Variants in SPON1 observed in about 807,000 individuals in gnomAD.
SPON1 encodes the protein spondin-1.
A neutral mutation model predicts 111.7 loss-of-function variants in SPON1; 52 were observed. The observed-to-expected ratio is 0.47, with a 90% CI of 0.37 to 0.59. The LOEUF is 0.59. Among genes scored for constraint, SPON1 ranks in the 20% least tolerant of loss-of-function variants. The pLI is 0.00. For missense variants in SPON1, 957 were observed against 1,068.5 expected (o/e 0.90, Z 1.46); for synonymous variants, 410 against 395.8 (o/e 1.04, Z -0.43).
intron 2 of SPON1, among the ~76,000 whole-genome samples, chr11:13,995,830 A>G (rs1000288546): frequency 5.3e-5 from 8 of 152,178 alleles, no homozygotes; most frequent in Non-Finnish European, 1.2e-4. Flanking sequence ...ACCATTTTCT[A>G]TATGTGACAT....
chr11:14,062,416 A>C (rs1055496555), intron 3 of SPON1, among the ~76,000 whole-genome samples: 1 of 152,188 alleles, frequency 6.6e-6, no homozygotes, highest in Non-Finnish European at 1.5e-5. Context: ...AGGGTACTAG[A>C]CACATGGAAG....
intron 3 of SPON1, among the ~76,000 whole-genome samples, chr11:14,068,404 G>T (rs1554920562): frequency 1.3e-5 from 2 of 152,190 alleles, no homozygotes; most frequent in Admixed American, 1.3e-4. Context: ...ACAAGTTTGG[G>T]AATGGGTTGT....
chr11:14,213,563 A>G (rs1554936914), intron 6 of SPON1, among the ~76,000 whole-genome samples: 1 of 152,216 alleles, frequency 6.6e-6, no homozygotes, highest in African/African-American at 2.4e-5. Flanking sequence ...ATAGTAATTA[A>G]TCAAACGATA....
At chr11:14,141,029 C>CCCCCCCCCCCCCCCCCCCCCCCCCCCCA (rs71041572) in intron 6 of SPON1, among the ~76,000 whole-genome samples, 2 of 132,274 alleles carry the variant, frequency 1.5e-5, no homozygotes, top group African/African-American at 2.8e-5. Context: ...GTGCCCCCCC[C>CCCCCCCCCCCCCCCCCCCCCCCCCCCCA]ATGCCCCACT....
At chr11:14,134,735 G>C (rs1351142316) in intron 5 of SPON1, among the ~76,000 whole-genome samples, 1 of 152,176 alleles carries the variant, frequency 6.6e-6, no homozygotes, top group African/African-American at 2.4e-5. Flanking sequence ...TCACACTGCT[G>C]TCTGGATGAT....
chr11:14,180,055 A>G (rs539003272), intron 6 of SPON1, among the ~76,000 whole-genome samples: 2 of 152,176 alleles, frequency 1.3e-5, no homozygotes, highest in African/African-American at 4.8e-5. Flanking sequence ...TGACCCTTCT[A>G]TTGCATCTTC....
intron 6 of SPON1, among the ~76,000 whole-genome samples, chr11:14,182,884 T>C (rs1554933804): frequency 1.3e-5 from 2 of 152,086 alleles, no homozygotes; most frequent in African/African-American, 4.8e-5. Flanking sequence ...TGGCTCCTCT[T>C]AGCAAGGGCC....
intron 5 of SPON1, among the ~76,000 whole-genome samples, chr11:14,126,251 C>T (rs750328223): frequency 2.3e-4 from 35 of 152,174 alleles, no homozygotes; most frequent in Admixed American, 4.6e-4. Context: ...ATAAAATTAA[C>T]CATCACTCTG....
chr11:14,027,694 G>C (rs1282727815), intron 2 of SPON1, among the ~76,000 whole-genome samples: 2 of 152,220 alleles, frequency 1.3e-5, no homozygotes. Flanking sequence ...GCAGGATAGA[G>C]AGATGTATGT....
chr11:14,143,496 G>A (rs1554929005), intron 6 of SPON1, among the ~76,000 whole-genome samples: 1 of 151,974 alleles, frequency 6.6e-6, no homozygotes, highest in African/African-American at 2.4e-5. Flanking sequence ...AGGAGGCAGA[G>A]GCTTTAGTGA....
intron 15 of SPON1, 128 bp downstream of exon 15, chr11:14,263,103 C>T (rs2133928933): frequency 6.3e-6 from 6 of 958,530 alleles, no homozygotes; most frequent in Non-Finnish European, 9.0e-6. Flanking sequence ...CTTCTGGAGT[C>T]TTCAGGCCAC....
intron 6 of SPON1, among the ~76,000 whole-genome samples, chr11:14,193,147 C>T (rs545259809): frequency 5.9e-5 from 9 of 152,278 alleles, no homozygotes; most frequent in Admixed American, 4.6e-4. Context: ...AGATCAGGCA[C>T]TGGAAAATTA....
At chr11:14,103,763 T>A (rs1439577871) in intron 5 of SPON1, among the ~76,000 whole-genome samples, 1 of 152,224 alleles carries the variant, frequency 6.6e-6, no homozygotes, top group Non-Finnish European at 1.5e-5. Flanking sequence ...TTTGCTTGTT[T>A]GTTGTTCAAT....
chr11:14,078,669 G>A (rs115172752), intron 4 of SPON1, among the ~76,000 whole-genome samples: 2,987 of 152,240 alleles, frequency 0.02, 99 homozygotes, highest in African/African-American at 0.068. Flanking sequence ...CCTTGAACAG[G>A]TTACCTAATC....
chr11:14,124,681 G>C (rs140250022), intron 5 of SPON1, among the ~76,000 whole-genome samples: 1 of 152,238 alleles, frequency 6.6e-6, no homozygotes, highest in South Asian at 2.1e-4. Flanking sequence ...CAACTCTGCC[G>C]TTGTAGCATG....
chr11:14,135,453 G>A lies in SPON1; in HGVS notation c.710G>A (p.Gly237Glu). Residue 237 changes from glycine (G) to glutamate (E), a missense_variant, in exon 6 of 16, where the codon GGA becomes GAA. Physicochemically the swap from Gly to Glu is moderately conservative, Grantham distance 98 (BLOSUM62 -2). Around this residue, in one of 5 missense-constraint regions of SPON1, gnomAD observed 122 missense variants for 143.2 expected, o/e 0.85. Coordinates refer to ENST00000576479, the MANE Select transcript of SPON1 (RefSeq NM_006108.4). This position sits in a 1 kb window ranked among gnomAD's most constrained non-coding sequence, Gnocchi z 4.4. ...AACCACTGGTCTGCGATCATCGGAG[G>A]ATCCCACTCCAAGAATTATGTACTG... ...RANHWSAIIG[G>E]SHSKNYVLWE... The A allele has an allele frequency of 6.2e-7, 1 of 1,613,342 alleles. No individual in the cohort carries two copies. Among genetic ancestry groups the A allele is most frequent in the East Asian group, 2.2e-5 (1 of 44,866 alleles).
chr11:13,991,579 A>T (rs1422842297), intron 2 of SPON1, among the ~76,000 whole-genome samples: 1 of 152,190 alleles, frequency 6.6e-6, no homozygotes, highest in East Asian at 1.9e-4. Flanking sequence ...TACTTCTGTC[A>T]ATTCATCAAA....
At chr11:14,057,382 T>C (rs1215207072) in intron 3 of SPON1, among the ~76,000 whole-genome samples, 1 of 152,194 alleles carries the variant, frequency 6.6e-6, no homozygotes, top group African/African-American at 2.4e-5. Context: ...AGTCAAAGAC[T>C]GAGGAAGATT....
intron 6 of SPON1, among the ~76,000 whole-genome samples, chr11:14,199,499 T>G (rs1412785869): frequency 1.3e-5 from 2 of 152,046 alleles, no homozygotes; most frequent in Non-Finnish European, 2.9e-5. Flanking sequence ...ACCTCTTGCC[T>G]TGACTATCAC....
Sources: gnomAD v4.1 joint callset for allele counts (sites outside exome capture counted in the v4.1 genomes callset) on GRCh38, gnomAD v4.1.1 for gene constraint, gnomAD v4.1.1 regional missense constraint, Gnocchi (gnomAD v3.1) non-coding constraint, MANE v1.5 for transcripts, NCBI Gene and HGNC (gene_info 2026-07-23, HGNC 2026-07-21) for gene names.